LRRC56: variants seen among roughly 807,000 people sequenced by gnomAD.
LRRC56 encodes leucine rich repeat containing 56.
In LRRC56, 41 loss-of-function variants were observed where a neutral mutation model predicts 47.8. The observed-to-expected ratio is 0.86, with a 90% CI of 0.67 to 1.11. LRRC56 has a LOEUF of 1.11. LRRC56 is among the 50% of genes most tolerant of loss of function. The pLI, the probability that LRRC56 is intolerant of heterozygous loss-of-function variation, is 0.00. For synonymous variants in LRRC56, 387 were observed against 311.2 expected (o/e 1.24, Z -2.56); for missense variants, 759 against 704.2 (o/e 1.08, Z -0.88).
chr11:544,849 A>G (rs1851993182), intron 6 of LRRC56, 69 bp downstream of exon 6: 6 of 671,668 alleles, frequency 8.9e-6, no homozygotes, highest in Admixed American at 7.9e-5. Flanking sequence ...CCCTGCAGGG[A>G]TGGGGGGAGA....
intron 5 of LRRC56, among the ~76,000 whole-genome samples, chr11:543,970 G>C (rs758977434): frequency 6.6e-6 from 1 of 151,970 alleles, no homozygotes; most frequent in Non-Finnish European, 1.5e-5. Context: ...GGATGGTCTC[G>C]ATCTACTGAC....
chr11:532,789 GC>G (rs773007381), upstream of LRRC56: 11 of 1,602,078 alleles, frequency 6.9e-6, no homozygotes, highest in Non-Finnish European at 7.7e-6. Context: ...GGAGGGACCG[GC>G]CTGTGGCCGC....
the LRRC56 span, among the ~76,000 whole-genome samples, chr11:527,257 C>T: frequency 4.6e-5 from 7 of 151,844 alleles, no homozygotes; most frequent in South Asian, 2.1e-4. Flanking sequence ...GCTGAGATCG[C>T]GCCACTGCAT....
chr11:535,599 G>T (rs1055698340), upstream of LRRC56: 2 of 151,106 alleles, frequency 1.3e-5, no homozygotes, highest in Admixed American at 6.6e-5. Flanking sequence ...CCCCGCGCCC[G>T]TCCGTCTGCC....
At chr11:540,962 C>T in intron 4 of LRRC56, 101 bp downstream of exon 4, 1 of 1,027,308 alleles carries the variant, frequency 9.7e-7, no homozygotes, top group Non-Finnish European at 1.4e-6. Flanking sequence ...TGTCCCCCTC[C>T]TGCTGGTCTT....
the LRRC56 span, among the ~76,000 whole-genome samples, chr11:530,439 A>C: frequency 1.3e-5 from 2 of 150,182 alleles, no homozygotes; most frequent in Admixed American, 1.3e-4. Context: ...TTCCCTGGAC[A>C]GAAGGGCAAG....
At chr11:508,569 C>T in the LRRC56 span, among the ~76,000 whole-genome samples, 1 of 152,064 alleles carries the variant, frequency 6.6e-6, no homozygotes, top group East Asian at 1.9e-4. Flanking sequence ...GAGTTCAAGA[C>T]CAGCCTGGCC....
At chr11:514,271 G>A in the LRRC56 span, among the ~76,000 whole-genome samples, 1 of 151,796 alleles carries the variant, frequency 6.6e-6, no homozygotes, top group Admixed American at 6.6e-5. Context: ...TAGGATTACA[G>A]GTGTGAGCCA....
intron 6 of LRRC56, among the ~76,000 whole-genome samples, chr11:549,473 G>A (rs975786496): frequency 1.3e-5 from 2 of 152,206 alleles, no homozygotes; most frequent in African/African-American, 2.4e-5. Context: ...AGCTCAGCAC[G>A]GGGTCAGCCT....
chr11:529,604 G>A, the LRRC56 span: 1 of 152,258 alleles, frequency 6.6e-6, no homozygotes, highest in East Asian at 1.9e-4. Flanking sequence ...CTTGTCCTCT[G>A]GGATTGGCAG....
upstream of LRRC56, chr11:534,376 C>T: frequency 2.1e-6 from 3 of 1,442,914 alleles, no homozygotes; most frequent in Non-Finnish European, 2.9e-6. Context: ...CCTGCCCCAC[C>T]TGCCAAGGAG....
At chr11:515,451 T>TTATC in the LRRC56 span, among the ~76,000 whole-genome samples, 14,842 of 152,206 alleles carry the variant, frequency 0.098, 993 homozygotes, top group Admixed American at 0.19. Context: ...CTTTTAGTGT[T>TTATC]TAAGAATCAT....
intron 13 of LRRC56, among the ~76,000 whole-genome samples, chr11:553,574 C>T (rs1004138832): frequency 1.3e-5 from 2 of 152,118 alleles, no homozygotes; most frequent in Non-Finnish European, 2.9e-5. Context: ...CTCCAGACAC[C>T]GGTGGAGGCG....
chr11:533,827 C>T (rs1309567083), upstream of LRRC56: 2 of 1,613,220 alleles, frequency 1.2e-6, no homozygotes, highest in Non-Finnish European at 1.7e-6. Context: ...CACAGGAAGC[C>T]CTCCCCGGTG....
At chr11:512,414 T>A in the LRRC56 span, among the ~76,000 whole-genome samples, 1 of 152,114 alleles carries the variant, frequency 6.6e-6, no homozygotes, top group Non-Finnish European at 1.5e-5. Flanking sequence ...TTTGTATTTT[T>A]AGTAGAGATG....
At chr11:546,835 G>A (rs1019879591) in intron 6 of LRRC56, among the ~76,000 whole-genome samples, 14 of 152,054 alleles carry the variant, frequency 9.2e-5, no homozygotes, top group African/African-American at 3.1e-4. Flanking sequence ...GGCGGATCAC[G>A]AGGTCAGGAG....
chr11:535,062 G>T (rs1386725794), upstream of LRRC56, among the ~76,000 whole-genome samples: 2 of 152,070 alleles, frequency 1.3e-5, no homozygotes, highest in African/African-American at 4.8e-5. Context: ...TGCTGAATCG[G>T]GGGTGCCCGG....
chr11:523,264 G>A, the LRRC56 span, among the ~76,000 whole-genome samples: 1,138 of 129,632 alleles, frequency 8.8e-3, 11 homozygotes, highest in African/African-American at 0.031. Flanking sequence ...CCCGAACTCA[G>A]GTGATTCGCT....
At chr11:524,886 A>G in the LRRC56 span, among the ~76,000 whole-genome samples, 2 of 151,242 alleles carry the variant, frequency 1.3e-5, no homozygotes, top group Non-Finnish European at 2.9e-5. Flanking sequence ...AGGTCAGGAG[A>G]TCAGGACCAT....
Sources: gnomAD v4.1 joint callset for allele counts (sites outside exome capture counted in the v4.1 genomes callset) on GRCh38, gnomAD v4.1.1 for gene constraint, MANE v1.5 for transcripts, NCBI Gene and HGNC (gene_info 2026-07-23, HGNC 2026-07-21) for gene names.